SLC16A9: variants seen among roughly 807,000 people sequenced by gnomAD.
SLC16A9 encodes the protein solute carrier family 16 member 9.
A neutral mutation model predicts 44.3 loss-of-function variants in SLC16A9; 26 were observed. That is an observed-to-expected ratio of 0.59 (90% CI 0.43 to 0.81). SLC16A9 has a LOEUF of 0.81. Ranked by LOEUF, SLC16A9 falls within the 40% of genes least tolerant of loss-of-function variation. SLC16A9 has a pLI of 0.00. For missense variants in SLC16A9, 559 were observed against 595.8 expected (o/e 0.94, Z 0.64); for synonymous variants, 230 against 225.1 (o/e 1.02, Z -0.19).
chr10:59,674,818 C>A (rs1439780371), intron 2 of SLC16A9, among the ~76,000 whole-genome samples: 2 of 152,164 alleles, frequency 1.3e-5, no homozygotes, highest in African/African-American at 2.4e-5. Context: ...CTCTTTAATG[C>A]ATGCTAATTC....
intron 3 of SLC16A9, among the ~76,000 whole-genome samples, chr10:59,667,370 T>C (rs1839645023): frequency 1.3e-5 from 2 of 152,176 alleles, no homozygotes; most frequent in African/African-American, 2.4e-5. Flanking sequence ...CGGAAGTAGA[T>C]AGGAGAATAT....
Position 59,695,043 on chromosome 10 carries a change from A to C in SLC16A9, c.-36-10716T>G, listed in dbSNP as rs556768981. Among the ~76,000 whole-genome samples the C allele has an allele frequency of 2.5e-4, 38 of 152,034 alleles. 1 individual carries two copies. The highest frequency in any genetic ancestry group is 8.7e-4 in the African/African-American group (36 of 41,450). On this transcript the variant is annotated intron_variant, in intron 1 of 5. Coordinates refer to ENST00000395348, the MANE Select transcript of SLC16A9 (RefSeq NM_194298.3). Reference sequence around the variant, plus strand: ...TTAAAAACCTTAAGCTAAGTGAGAAAATGTAATTGAAAGAGACCACACATT... The same window carrying C: ...TTAAAAACCTTAAGCTAAGTGAGAACATGTAATTGAAAGAGACCACACATT...
intron 2 of SLC16A9, among the ~76,000 whole-genome samples, chr10:59,679,332 A>C (rs1479142849): frequency 1.3e-5 from 2 of 152,188 alleles, no homozygotes; most frequent in Non-Finnish European, 2.9e-5. Context: ...TTTCAACCAG[A>C]AAAACAAAAC....
intron 4 of SLC16A9, among the ~76,000 whole-genome samples, chr10:59,657,152 G>T (rs368813282): frequency 4.1e-4 from 63 of 152,232 alleles, no homozygotes; most frequent in African/African-American, 1.4e-3. Flanking sequence ...ATTTATGCAC[G>T]CTGAAATGTA....
chr10:59,671,701 G>A (rs1023277002), intron 3 of SLC16A9, among the ~76,000 whole-genome samples: 4 of 152,164 alleles, frequency 2.6e-5, no homozygotes. Context: ...CACCATCAGC[G>A]ACAATAGCCA....
chr10:59,664,295 G>A lies in SLC16A9; in HGVS notation c.368C>T (p.Ala123Val), dbSNP rs1409587550. 3.7e-6 allele frequency: 6 copies of A among 1,611,776 alleles called. No individual in the cohort carries two copies. Among genetic ancestry groups the A allele is most frequent in the Non-Finnish European group, 5.1e-6 (6 of 1,178,618 alleles). The change falls in exon 4 of 6, where the codon GCA (alanine) becomes GTA (valine). Residue 123 changes from alanine (A) to valine (V), a missense_variant. Ala to Val is a moderately conservative substitution (Grantham distance 64). Transcript: ENST00000395348. Reference protein sequence around the residue: ...VGLGCGLLYTATVTITCQYFD... With the variant: ...VGLGCGLLYTVTVTITCQYFD... Reference sequence around the variant, plus strand: ...ATACTGGCACGTAATGGTCACTGTTGCAGTGTATAATAAACCACATCCAAG... The same window carrying A: ...ATACTGGCACGTAATGGTCACTGTTACAGTGTATAATAAACCACATCCAAG...
Position 59,672,884 on chromosome 10 carries a change from A to G in SLC16A9, c.226T>C (p.Phe76Leu), listed in dbSNP as rs1199927904. 6.2e-7 allele frequency: 1 copy of G among 1,613,456 alleles called. No homozygotes were observed. Among genetic ancestry groups the G allele is most frequent in the African/African-American group, 1.3e-5 (1 of 74,892 alleles). ...AAGATTGTGACAGGTCTTGCTCCAA[A>G]AGATGAGACACAGAGACTGCAGACA... Reference protein sequence around the residue: ...SPVCSLCVSSFGARPVTIFSG... With the variant: ...SPVCSLCVSSLGARPVTIFSG... Residue 76 changes from phenylalanine (F) to leucine (L), a missense_variant, in exon 3 of 6, where the codon TTT (phenylalanine) becomes CTT (leucine). Phe to Leu is a conservative substitution (Grantham distance 22). Transcript: ENST00000395348.
intron 3 of SLC16A9, among the ~76,000 whole-genome samples, chr10:59,671,301 A>G (rs1839744037): frequency 6.6e-6 from 1 of 152,212 alleles, no homozygotes; most frequent in South Asian, 2.1e-4. Context: ...GGACTCTAGG[A>G]GGAAGGACAC....
intron 1 of SLC16A9, among the ~76,000 whole-genome samples, chr10:59,702,248 T>G (rs1043245372): frequency 2.6e-5 from 4 of 152,230 alleles, no homozygotes; most frequent in Admixed American, 2.0e-4. Flanking sequence ...CCATTGAATC[T>G]GAAAAGCTAG....
At chr10:59,702,921 A>G (rs796092036) in intron 1 of SLC16A9, among the ~76,000 whole-genome samples, 1 of 152,234 alleles carries the variant, frequency 6.6e-6, no homozygotes, top group South Asian at 2.1e-4. Flanking sequence ...GTTAAAGACA[A>G]TGAAGATTGC....
intron 3 of SLC16A9, among the ~76,000 whole-genome samples, chr10:59,664,541 T>G (rs1159103399): frequency 6.6e-6 from 1 of 152,064 alleles, no homozygotes; most frequent in Non-Finnish European, 1.5e-5. Flanking sequence ...CAGGGTCAAG[T>G]AAAAAAGTAT....
intron 3 of SLC16A9, among the ~76,000 whole-genome samples, chr10:59,667,821 C>T (rs1056843105): frequency 6.6e-6 from 1 of 152,208 alleles, no homozygotes. Flanking sequence ...TGACCATTCA[C>T]AGCATCAGTA....
intron 1 of SLC16A9, among the ~76,000 whole-genome samples, chr10:59,693,976 C>CA (rs1564711182): frequency 2.0e-5 from 3 of 151,380 alleles, no homozygotes; most frequent in Non-Finnish European, 4.4e-5. Flanking sequence ...CTCGCTCTGT[C>CA]GCCCAGGCTG....
In SLC16A9 at chr10:59,679,988, T is replaced by C. The variant is rs538773130; in HGVS notation, c.196+4108A>G. Among the ~76,000 whole-genome samples, 108 of 152,340 alleles carry C rather than the reference T, an allele frequency of 7.1e-4. 1 individual carries two copies. Among genetic ancestry groups the C allele is most frequent in the Admixed American group, 1.7e-3 (26 of 15,312 alleles). On this transcript the variant is annotated intron_variant, in intron 2 of 5. Coordinates refer to ENST00000395348, the MANE Select transcript of SLC16A9 (RefSeq NM_194298.3). ...TTGATATTTGTGAATTCTCAAATTA[T>C]TAGTTACCTTTTTTTTCTGTCTCTT...
Position 59,664,224 on chromosome 10 carries a change from T to A in SLC16A9, c.436+3A>T. 6.2e-7 allele frequency: 1 copy of A among 1,602,218 alleles called. No homozygotes were observed. The highest frequency in any genetic ancestry group is 1.1e-5 in the South Asian group (1 of 90,322). Reference sequence around the variant, plus strand: ...CAATACTGTACTCATTTTGAAAATATACCTGTTGAAATCAGGCCAAGCGCT... The same window carrying A: ...CAATACTGTACTCATTTTGAAAATAAACCTGTTGAAATCAGGCCAAGCGCT... On this transcript the variant is annotated splice_donor_region_variant and intron_variant, in intron 4 of 5. Coordinates refer to ENST00000395348, the MANE Select transcript of SLC16A9 (RefSeq NM_194298.3).
chr10:59,708,781 T>C (rs1840698841), intron 1 of SLC16A9: 1 of 152,184 alleles, frequency 6.6e-6, no homozygotes, highest in Admixed American at 6.5e-5. Context: ...CAGAGCAGGT[T>C]ACCTAGGGCG....
At chr10:59,676,266 T>C (rs1453611097) in intron 2 of SLC16A9, among the ~76,000 whole-genome samples, 4 of 152,212 alleles carry the variant, frequency 2.6e-5, no homozygotes, top group Non-Finnish European at 4.4e-5. Flanking sequence ...AATAGCCTCA[T>C]ATTTCAGCAA....
At chr10:59,697,767 A>T (rs1840430213) in intron 1 of SLC16A9, among the ~76,000 whole-genome samples, 1 of 150,192 alleles carries the variant, frequency 6.7e-6, no homozygotes, top group Non-Finnish European at 1.5e-5. Flanking sequence ...ATAAATAAAT[A>T]ATTAAAAAAA....
intron 4 of SLC16A9, among the ~76,000 whole-genome samples, chr10:59,657,496 C>G (rs1461380106): frequency 6.6e-6 from 1 of 152,206 alleles, no homozygotes; most frequent in Non-Finnish European, 1.5e-5. Context: ...ATACTTCTCC[C>G]TAATTTCCCT....
Sources: gnomAD v4.1 joint callset for allele counts (sites outside exome capture counted in the v4.1 genomes callset) on GRCh38, gnomAD v4.1.1 for gene constraint, MANE v1.5 for transcripts, NCBI Gene and HGNC (gene_info 2026-07-23, HGNC 2026-07-21) for gene names.